WNK3: variants seen among roughly 807,000 people sequenced by gnomAD.
WNK3 encodes the protein WNK lysine deficient protein kinase 3, also known as serine/threonine-protein kinase WNK3.
Under a neutral mutation model 116.7 loss-of-function variants are expected in WNK3, and 18 were observed. The observed-to-expected ratio is 0.15, with a 90% CI of 0.11 to 0.23. The LOEUF is 0.23. Among genes scored for constraint, WNK3 ranks in the 10% least tolerant of loss-of-function variants. The pLI is 1.00. For synonymous variants in WNK3, 404 were observed against 469.4 expected (o/e 0.86, Z 1.80); for missense variants, 993 against 1,323.8 (o/e 0.75, Z 3.88).
At chrX:54,202,338 C>T (rs1163578122) in intron 22 of WNK3, 145 bp from the exon 23 acceptor site, 3 of 512,774 alleles carry the variant, frequency 5.9e-6, no homozygotes, top group African/African-American at 2.4e-5. Flanking sequence ...TTACCTGCGT[C>T]GTCCTGGTTT....
chrX:54,290,157 T>C (rs2068623338), intron 10 of WNK3, among the ~76,000 whole-genome samples: 1 of 110,691 alleles, frequency 9.0e-6, no homozygotes, highest in Non-Finnish European at 1.9e-5. Context: ...GCTCCTATAG[T>C]CCCAGCTACT....
chrX:54,270,858 T>A (rs1296506332), intron 10 of WNK3, among the ~76,000 whole-genome samples: 1 of 111,513 alleles, frequency 9.0e-6, no homozygotes, highest in Non-Finnish European at 1.9e-5. Context: ...CTGTGTTAGT[T>A]TGCTGAGAAT....
intron 21 of WNK3, among the ~76,000 whole-genome samples, chrX:54,229,994 A>T (rs1318205556): frequency 9.0e-6 from 1 of 111,701 alleles, no homozygotes; most frequent in African/African-American, 3.2e-5. Flanking sequence ...CAAAATCACA[A>T]TTTTTAAAAA....
intron 1 of WNK3, among the ~76,000 whole-genome samples, chrX:54,353,850 G>A (rs1008369605): frequency 9.1e-6 from 1 of 110,370 alleles, no homozygotes; most frequent in Non-Finnish European, 1.9e-5. Context: ...TTGGGAGGCC[G>A]AGGAAGGTGG....
At chrX:54,243,511 C>T (rs782311103) in intron 17 of WNK3, among the ~76,000 whole-genome samples, 5 of 107,283 alleles carry the variant, frequency 4.7e-5, no homozygotes, top group East Asian at 3.0e-4. Context: ...CTCGAACAGA[C>T]ATTTCTTCAA....
chrX:54,250,059 T>C lies in WNK3; in HGVS notation c.2648A>G (p.Glu883Gly), dbSNP rs150096945. Reference sequence around the variant, plus strand: ...CTGAAGAGAAGGAGGAGACTGAGTCTCACGGTTTCTTATCGTCTGATTGAT... The same window carrying C: ...CTGAAGAGAAGGAGGAGACTGAGTCCCACGGTTTCTTATCGTCTGATTGAT... The change falls in exon 16 of 24, where the codon GAG becomes GGG. Residue 883 changes from glutamate (E) to glycine (G), a missense_variant. Glu to Gly is a moderately conservative substitution (Grantham distance 98). Around this residue, in one of 4 missense-constraint regions of WNK3, gnomAD observed 836 missense variants for 976.5 expected, o/e 0.86. Transcript: ENST00000354646. 5.5e-5 allele frequency: 66 copies of C among 1,202,068 alleles called. No homozygotes were observed. Among genetic ancestry groups the C allele is most frequent in the Non-Finnish European group, 7.2e-5 (64 of 891,068 alleles).
At chrX:54,332,940 A>T (rs2069189420) in intron 2 of WNK3, among the ~76,000 whole-genome samples, 197 bp downstream of exon 2, 1 of 110,511 alleles carries the variant, frequency 9.0e-6, no homozygotes. Flanking sequence ...TTTAAAACAG[A>T]AAAGAAAACA....
At chrX:54,200,015 G>T (rs906681163) in intron 23 of WNK3, among the ~76,000 whole-genome samples, 1 of 111,517 alleles carries the variant, frequency 9.0e-6, no homozygotes, top group East Asian at 2.8e-4. Context: ...GGGCTTTTGC[G>T]TATGCGATCC....
exon 2 of WNK3, chrX:54,333,405 A>C (rs1244154071): frequency 8.3e-7 from 1 of 1,209,203 alleles, no homozygotes; most frequent in Non-Finnish European, 1.1e-6. Flanking sequence ...AAGCTTATCT[A>C]CTCTTGGAAT....
intron 22 of WNK3, among the ~76,000 whole-genome samples, chrX:54,218,044 A>C (rs1190373644): frequency 1.8e-5 from 2 of 111,944 alleles, no homozygotes; most frequent in African/African-American, 6.5e-5. Flanking sequence ...TTTTGGACTT[A>C]GTAGACAAAG....
chrX:54,342,272 T>TTTC (rs1347222406), intron 1 of WNK3, among the ~76,000 whole-genome samples: 6 of 102,734 alleles, frequency 5.8e-5, no homozygotes, highest in African/African-American at 2.2e-4. Flanking sequence ...TAAAAAAAAT[T>TTTC]TTTTTTAAAT....
chrX:54,250,090 A>G, exon 16 of WNK3: 1 of 1,201,160 alleles, frequency 8.3e-7, no homozygotes, highest in African/African-American at 1.7e-5. Flanking sequence ...TTGATACAGA[A>G]TCGCCACCGA....
rs146118877 is a variant in WNK3, at chrX:54,294,513, T to C, written c.1693+40A>G. 733 of 1,030,838 alleles carry C rather than the reference T, an allele frequency of 7.1e-4. 2 individuals carry two copies. The African/African-American group carries it at 7.9e-3, about 11-fold the overall frequency. 85.0% of individuals were successfully genotyped at this position (1,030,838 alleles called of 1,213,427 possible). On this transcript the variant is annotated intron_variant, in intron 8 of 23. Transcript: ENST00000354646. ...AATAAATAAAGATTAGAGAATATAA[T>C]TGCACATGCGTTTGCTTTTACAAGC... is the stretch of plus-strand genomic sequence containing the variant.
At chrX:54,302,769 T>A (rs1196077755) in intron 5 of WNK3, among the ~76,000 whole-genome samples, 35 of 76,859 alleles carry the variant, frequency 4.6e-4, no homozygotes, top group Middle Eastern at 6.3e-3. Flanking sequence ...TTTTTTTTTT[T>A]TTTTTATTTT....
At chrX:54,273,631 C>G (rs2068409162) in intron 10 of WNK3, among the ~76,000 whole-genome samples, 1 of 111,849 alleles carries the variant, frequency 8.9e-6, no homozygotes, top group Admixed American at 9.6e-5. Context: ...GGTAAAGAAC[C>G]TTCCAAAAGA....
At chrX:54,234,638 A>G (rs1472877955) in intron 20 of WNK3, among the ~76,000 whole-genome samples, 4 of 111,031 alleles carry the variant, frequency 3.6e-5, no homozygotes, top group Non-Finnish European at 5.7e-5. Flanking sequence ...CATCCCAGCT[A>G]ACACAGTGAA....
intron 23 of WNK3, among the ~76,000 whole-genome samples, 198 bp downstream of exon 23, chrX:54,201,793 C>T (rs1360179923): frequency 8.9e-6 from 1 of 111,732 alleles, no homozygotes; most frequent in Non-Finnish European, 1.9e-5. Context: ...TAACTGGCTC[C>T]TTCCCCCCAA....
At chrX:54,223,953 C>G (rs782630752) in intron 22 of WNK3, 1 of 142,438 alleles carries the variant, frequency 7.0e-6, no homozygotes, top group Admixed American at 7.7e-5. Context: ...GCCATCAGAA[C>G]CAATGACAAT....
chrX:54,224,966 G>C (rs1320856369), intron 22 of WNK3, among the ~76,000 whole-genome samples: 8 of 110,613 alleles, frequency 7.2e-5, no homozygotes, highest in African/African-American at 2.6e-4. Flanking sequence ...AAACCAAAGA[G>C]GCCTAACAGA....
Sources: allele counts gnomAD v4.1 joint callset (sites outside exome capture counted in the v4.1 genomes callset), GRCh38; gene constraint gnomAD v4.1.1; regional missense constraint gnomAD v4.1.1; transcripts MANE v1.5; gene names NCBI Gene and HGNC (gene_info 2026-07-23, HGNC 2026-07-21).